The following SRP19 variants were observed in gnomAD, a reference collection of about 807,000 sequenced individuals.
The protein encoded by SRP19 is signal recognition particle 19.
A neutral mutation model predicts 22.4 loss-of-function variants in SRP19; 11 were observed. The observed-to-expected ratio is 0.49, with a 90% confidence interval of 0.31 to 0.81. The LOEUF is 0.81. Among genes scored for constraint, SRP19 ranks in the 40% least tolerant of loss-of-function variants. The probability of loss-of-function intolerance (pLI) is 0.05; values close to 1 mark genes in which losing one functional copy is unlikely to be tolerated. For synonymous variants in SRP19, 61 were observed against 57.6 expected, an observed-to-expected ratio of 1.06 and a Z score of -0.27; for missense variants, 168 against 175.9, an observed-to-expected ratio of 0.96 and a Z score of 0.25.
At chr5:112,882,505 A>G (rs1768111171) in intron 4 of SRP19, among the ~76,000 whole-genome samples, 1 of 152,172 alleles carries the variant, frequency 6.6e-6, no homozygotes, top group Admixed American at 6.5e-5. Flanking sequence ...CTGTAGCTAT[A>G]CCCATGTAGC....
Position 112,868,498 on chromosome 5 carries a change from T to A in SRP19, c.*961T>A. On this transcript the variant is annotated 3_prime_UTR_variant, in exon 5 of 5. Coordinates refer to ENST00000505459, the MANE Select transcript of SRP19 (RefSeq NM_003135.3). The stretch of plus-strand genomic sequence containing the variant: ...GTACCACAACCTCTGCATCCCAGGT[T>A]CAAGAGATTCTCCTGCCTCAGCCTC... 1 of 531,878 alleles carries A rather than the reference T, an allele frequency of 1.9e-6. No individual in the cohort carries two copies. Among genetic ancestry groups the A allele is most frequent in the Non-Finnish European group, 2.4e-6 (1 of 415,570 alleles). The allele number at this position is 531,878 out of a possible 1,614,324, so 32.9% of individuals were successfully genotyped here. A position where few individuals can be genotyped will look rare whatever the true frequency, so the allele number is the denominator to read the frequency against.
At chr5:112,877,880 G>C (rs1767945045) in intron 4 of SRP19, 1 of 152,056 alleles carries the variant, frequency 6.6e-6, no homozygotes, top group Non-Finnish European at 1.5e-5. Context: ...AACCAGAAAT[G>C]GTTTCCATTG....
At chr5:112,893,111 A>G (rs750534241), downstream of SRP19, 91 of 988,830 alleles carry the variant, frequency 9.2e-5, 1 homozygote, top group East Asian at 1.1e-3. Flanking sequence ...AAAAAAAAAA[A>G]AAAAAAGAAT....
intron 4 of SRP19, among the ~76,000 whole-genome samples, chr5:112,888,601 C>G (rs1485049275): frequency 4.4e-5 from 6 of 136,344 alleles, no homozygotes; most frequent in Non-Finnish European, 7.6e-5. Flanking sequence ...TTTTTTATAA[C>G]TTTTTTTTGT....
At chr5:112,872,322 CTTTTTT>C (rs759571945), downstream of SRP19, among the ~76,000 whole-genome samples, 1 of 92,690 alleles carries the variant, frequency 1.1e-5, no homozygotes. Context: ...CCAAATGATT[CTTTTTT>C]TTTTTTTTTT....
chr5:112,862,068 GTTCTT>G (rs1305129292), intron 1 of SRP19, among the ~76,000 whole-genome samples: 1 of 152,212 alleles, frequency 6.6e-6, no homozygotes, highest in Admixed American at 6.5e-5. Context: ...AGTTGTCCAG[GTTCTT>G]GGCGTTTTGA....
At chr5:112,871,774 A>G (rs942399242), downstream of SRP19, among the ~76,000 whole-genome samples, 1 of 152,108 alleles carries the variant, frequency 6.6e-6, no homozygotes, top group Non-Finnish European at 1.5e-5. Context: ...AAATTTTTTT[A>G]AGAGATGAGA....
chr5:112,887,026 A>T, intron 4 of SRP19: 4 of 1,603,010 alleles, frequency 2.5e-6, no homozygotes, highest in Non-Finnish European at 3.4e-6. Flanking sequence ...TTCTTTAGTG[A>T]TGGCATCTGC....
downstream of SRP19, among the ~76,000 whole-genome samples, chr5:112,870,066 T>C (rs182617675): frequency 6.6e-6 from 1 of 152,310 alleles, no homozygotes; most frequent in African/African-American, 2.4e-5. Flanking sequence ...TCTCAAAATA[T>C]TGTGCTATAC....
intron 4 of SRP19, among the ~76,000 whole-genome samples, chr5:112,891,324 C>T (rs569917305): frequency 8.5e-5 from 13 of 152,202 alleles, no homozygotes; most frequent in African/African-American, 2.9e-4. Flanking sequence ...CCGCCCATTT[C>T]GGCCTCCTAA....
At chr5:112,871,274 AGTT>A (rs2150029276), downstream of SRP19, among the ~76,000 whole-genome samples, 1 of 64,878 alleles carries the variant, frequency 1.5e-5, no homozygotes, top group East Asian at 4.4e-4. Flanking sequence ...TTTTTTTGCC[AGTT>A]GTTAAGTGAA....
chr5:112,893,094 T>TTAAAAAAAAAAA (rs781185558), downstream of SRP19: 3 of 501,520 alleles, frequency 6.0e-6, no homozygotes, highest in Non-Finnish European at 9.5e-6. Context: ...GTTTTGTTCT[T>TTAAAAAAAAAAA]AAAAAAAAAA....
intron 4 of SRP19, among the ~76,000 whole-genome samples, chr5:112,889,476 C>T (rs936181096): frequency 6.6e-6 from 1 of 150,612 alleles, no homozygotes; most frequent in Non-Finnish European, 1.5e-5. Flanking sequence ...AAGCAATTCA[C>T]CAAGAATATT....
At chr5:112,861,471 C>T in intron 1 of SRP19, 54 bp downstream of exon 1, 2 of 1,585,690 alleles carry the variant, frequency 1.3e-6, no homozygotes, top group Non-Finnish European at 1.7e-6. Flanking sequence ...TGTGGTGCTG[C>T]AGGTGCTACA....
At chr5:112,877,322 G>A (rs575055238) in intron 4 of SRP19, 7 of 152,212 alleles carry the variant, frequency 4.6e-5, no homozygotes, top group African/African-American at 1.4e-4. Flanking sequence ...AAAAAATACT[G>A]TACTGGCTGG....
intron 4 of SRP19, among the ~76,000 whole-genome samples, chr5:112,886,277 G>A (rs995804397): frequency 1.3e-5 from 2 of 152,198 alleles, no homozygotes; most frequent in Non-Finnish European, 2.9e-5. Context: ...TTGGCATCCA[G>A]CAGTCCAAGG....
chr5:112,889,968 A>G (rs1234313742), intron 4 of SRP19, among the ~76,000 whole-genome samples: 1 of 150,070 alleles, frequency 6.7e-6, no homozygotes, highest in Admixed American at 6.6e-5. Flanking sequence ...CTGGGACTGC[A>G]GGCAAACACC....
At chr5:112,893,396 C>T (rs1386794656), downstream of SRP19, 1 of 185,746 alleles carries the variant, frequency 5.4e-6, no homozygotes, top group Non-Finnish European at 1.1e-5. Context: ...GGTGACAGAG[C>T]GAGACTGTGT....
chr5:112,887,070 C>T (rs1179199336), intron 4 of SRP19: 1 of 1,613,572 alleles, frequency 6.2e-7, no homozygotes, highest in Non-Finnish European at 8.5e-7. Flanking sequence ...GGTCCTTGAC[C>T]ACACTGTCCA....
Sources: gnomAD v4.1 joint callset for allele counts (sites outside exome capture counted in the v4.1 genomes callset) on GRCh38, gnomAD v4.1.1 for gene constraint, MANE v1.5 for transcripts, NCBI Gene and HGNC (gene_info 2026-07-23, HGNC 2026-07-21) for gene names.